Variants in TSPOAP1 observed in about 807,000 individuals in gnomAD.
TSPOAP1 encodes the protein TSPO associated protein 1, also known as peripheral-type benzodiazepine receptor-associated protein 1.
In TSPOAP1, 87 loss-of-function variants were observed where a neutral mutation model predicts 197.0. The ratio of observed to expected loss-of-function variants is 0.44; its 90% CI spans 0.37 to 0.53. The LOEUF (loss-of-function observed/expected upper bound fraction) is 0.53. Ranked by LOEUF, TSPOAP1 falls within the 20% of genes least tolerant of loss-of-function variation. The probability of loss-of-function intolerance (pLI) is 0.00; values close to 1 mark genes in which losing one functional copy is unlikely to be tolerated. For missense variants in TSPOAP1, 2,174 were observed against 2,411.3 expected (o/e 0.90, Z 2.06); for synonymous variants, 913 against 998.9 (o/e 0.91, Z 1.62).
intron 26 of TSPOAP1, 46 bp downstream of exon 26, chr17:58,306,296 C>T (rs1273162173): frequency 6.6e-7 from 1 of 1,518,170 alleles, no homozygotes. Flanking sequence ...CACCCCACCG[C>T]ACACACATCC....
In TSPOAP1 at chr17:58,308,743, C is replaced by T; in HGVS notation, c.4529G>A (p.Gly1510Asp). 6.2e-7 allele frequency: 1 copy of T among 1,613,060 alleles called. No individual in the cohort carries two copies. The highest frequency in any genetic ancestry group is 1.1e-5 in the South Asian group (1 of 91,090). The change falls in exon 22 of 32, where the codon GGC becomes GAC. Residue 1510 changes from glycine (G) to aspartate (D), a missense_variant. Physicochemically the swap from Gly to Asp is moderately conservative, Grantham distance 94. This residue lies in a region of TSPOAP1 where 1,933 missense variants were observed against 2,139.0 expected (regional missense o/e 0.90). Coordinates refer to ENST00000343736, the MANE Select transcript of TSPOAP1 (RefSeq NM_004758.4). ...EYDSEDEQEA[G>D]SGGISITSSC... is the part of the protein sequence containing the mutation. ...GCTGGTGATGCTGATGCCCCCGCTGCCCGCCTCCTGCTCATCCTCCGAATC... is the reference window on the plus strand; with the variant it reads ...GCTGGTGATGCTGATGCCCCCGCTGTCCGCCTCCTGCTCATCCTCCGAATC...
Position 58,322,929 on chromosome 17 carries a change from G to T in TSPOAP1, c.1194+21C>A, listed in dbSNP as rs187752847. 1.8e-4 allele frequency: 297 copies of T among 1,606,132 alleles called. 7 individuals are homozygous for T. The highest frequency in any genetic ancestry group is 1.8e-3 in the South Asian group (158 of 90,016). On this transcript the variant is annotated intron_variant, in intron 8 of 31. Transcript: ENST00000343736. This position sits in a 1 kb window ranked among gnomAD's most constrained non-coding sequence, Gnocchi z 5.0. ...AGTGGTGGGAGCACAGGTCTCCACA[G>T]CACCTGGGCGGAAGTGGTACCTGCT...
At position 58,304,253 on chromosome 17, in the gene TSPOAP1, C is replaced by CT; in HGVS notation, c.*32+84dup. ...GACTACAGTGGGAAAGCTGGGTCAG[C>CT]TCCAGTATTTGAGACAAAGGAGCAC... On this transcript the variant is annotated intron_variant, in intron 31 of 31. Coordinates refer to ENST00000343736, the MANE Select transcript of TSPOAP1 (RefSeq NM_004758.4). The surrounding 1 kb of genome is among the most constrained non-coding windows in gnomAD (Gnocchi z 4.2). The CT allele has an allele frequency of 8.2e-7, 1 of 1,222,308 alleles. No individual in the cohort carries two copies. The highest frequency in any genetic ancestry group is 1.2e-6 in the Non-Finnish European group (1 of 842,880). 75.7% of individuals were successfully genotyped at this position (1,222,308 alleles called of 1,614,324 possible). A position where few individuals can be genotyped will look rare whatever the true frequency, so the allele number is the denominator to read the frequency against.
At chr17:58,308,402 G>T in intron 22 of TSPOAP1, 139 bp downstream of exon 22, 1 of 1,270,140 alleles carries the variant, frequency 7.9e-7, no homozygotes, top group African/African-American at 1.5e-5. Flanking sequence ...GGAGGAGGCA[G>T]GTGAGGGAGC....
Position 58,310,725 on chromosome 17 carries a change from G to C in TSPOAP1, c.3486C>G (p.Gly1162=), listed in dbSNP as rs2143032792. ...TGCTGGCTGTCCTCTCCTCTGAGGT[G>C]CCCAGCACTGCTGCCCCAGCCTCCT... ...SQEEAGAAVL[G]TSEERTASTS... Residue 1162 remains glycine, a synonymous_variant, in exon 20 of 32, where the codon GGC becomes GGG. Coordinates refer to ENST00000343736, the MANE Select transcript of TSPOAP1 (RefSeq NM_004758.4). 1 of 1,612,796 alleles carries C rather than the reference G, an allele frequency of 6.2e-7. No individual in the cohort carries two copies. Among genetic ancestry groups the C allele is most frequent in the East Asian group, 2.2e-5 (1 of 44,868 alleles).
Position 58,328,192 on chromosome 17 carries a change from G to T in TSPOAP1, c.-272C>A. The T allele has an allele frequency of 2.0e-6, 1 of 508,094 alleles. No individual in the cohort carries two copies. The allele number at this position is 508,094 out of a possible 1,614,324, so 31.5% of individuals were successfully genotyped here. On this transcript the variant is annotated 5_prime_UTR_variant, in exon 1 of 32. Coordinates refer to ENST00000343736, the MANE Select transcript of TSPOAP1 (RefSeq NM_004758.4). This position sits in a 1 kb window ranked among gnomAD's most constrained non-coding sequence, Gnocchi z 4.3. The stretch of plus-strand genomic sequence containing the variant: ...GTGGAGGAGCGAGGGTGTCCCTGTG[G>T]GGGTAGGGAGGATGTGCAGAGGCCA...
At chr17:58,325,757 G>T in intron 3 of TSPOAP1, 44 bp from the exon 4 acceptor site, 1 of 1,548,256 alleles carries the variant, frequency 6.5e-7, no homozygotes, top group Non-Finnish European at 8.7e-7. Context: ...TGAGGGCTGG[G>T]GCACTTCTCC....
chr17:58,311,113 G>A lies in TSPOAP1; in HGVS notation c.3182C>T (p.Ser1061Leu), dbSNP rs1276519480. 4.4e-6 allele frequency: 7 copies of A among 1,600,286 alleles called. No homozygotes were observed. The highest frequency in any genetic ancestry group is 1.1e-5 in the South Asian group (1 of 89,202). The change falls in exon 19 of 32, where the codon TCG becomes TTG. Residue 1061 changes from serine to leucine, a missense_variant. By Grantham distance (145) the Ser-to-Leu change is moderately radical. Coordinates refer to ENST00000343736, the MANE Select transcript of TSPOAP1 (RefSeq NM_004758.4). ...VCREVVVRTM[S>L]PHGESADSIP... Reference sequence around the variant, plus strand: ...GGAGTCCGCCGACTCCCCGTGGGGCGACATGGTGCGCACGACCACCTCACG... The same window carrying A: ...GGAGTCCGCCGACTCCCCGTGGGGCAACATGGTGCGCACGACCACCTCACG...
Position 58,305,405 on chromosome 17 carries a change from G to A in TSPOAP1, c.5415C>T (p.Asp1805=), listed in dbSNP as rs777498991. 52 of 1,613,830 alleles carry A rather than the reference G, an allele frequency of 3.2e-5. No homozygotes were observed. Among genetic ancestry groups the A allele is most frequent in the Admixed American group, 5.0e-5 (3 of 59,988 alleles). The change falls in exon 29 of 32, where the codon GAC becomes GAT. Residue 1805 remains aspartate (D), a synonymous_variant. Coordinates refer to ENST00000343736, the MANE Select transcript of TSPOAP1 (RefSeq NM_004758.4). ...GDVITVFGGM[D]DDGFYYGELN... ...TTCTCACATAGTAGAAACCGTCATC[G>A]TCCATGCCCCCAAACACAGTAATGA...
Position 58,305,083 on chromosome 17 carries a change from C to T in TSPOAP1, c.5522G>A (p.Arg1841Lys). The part of the protein sequence containing the change: ...PEAGGLDREP[R>K]TPQAESQRTR... ...GACCTGACTCTCAGCCTGGGGTGTC[C>T]TGGGTTCCCTGTCCAGGCCGCCTGC... Residue 1841 changes from arginine (R) to lysine (K), a missense_variant, in exon 30 of 32, where the codon AGG becomes AAG. Physicochemically the swap from Arg to Lys is conservative, Grantham distance 26. Around this residue, in one of 5 missense-constraint regions of TSPOAP1, gnomAD observed 60 missense variants for 56.2 expected, o/e 1.07. Coordinates refer to ENST00000343736, the MANE Select transcript of TSPOAP1 (RefSeq NM_004758.4). 6.2e-7 allele frequency: 1 copy of T among 1,613,930 alleles called. No individual in the cohort carries two copies.
At position 58,328,663 on chromosome 17, in the gene TSPOAP1, G is replaced by A. The variant is rs1022017394; in HGVS notation, c.-743C>T. 6.5e-6 allele frequency: 1 copy of A among 153,970 alleles called. No individual in the cohort carries two copies. The highest frequency in any genetic ancestry group is 1.4e-5 in the Non-Finnish European group (1 of 69,392). 9.5% of individuals were successfully genotyped at this position (153,970 alleles called of 1,614,324 possible). A position where few individuals can be genotyped will look rare whatever the true frequency, so the allele number is the denominator to read the frequency against. On this transcript the variant is annotated 5_prime_UTR_variant, in exon 1 of 32. Coordinates refer to ENST00000343736, the MANE Select transcript of TSPOAP1 (RefSeq NM_004758.4). This position sits in a 1 kb window ranked among gnomAD's most constrained non-coding sequence, Gnocchi z 4.3. ...GCTGGGTGGCTGGGCTGGTCCTAAG[G>A]AGGCCTGGGTCGATGGGCTGCTTGC...
Position 58,310,836 on chromosome 17 carries a change from C to A in TSPOAP1, c.3459G>T (p.Gln1153His). Residue 1153 changes from glutamine to histidine, a missense_variant and splice_region_variant, in exon 19 of 32, where the codon CAG (glutamine) becomes CAT (histidine). Physicochemically the swap from Gln to His is conservative, Grantham distance 24 (BLOSUM62 0). Around this residue, in one of 5 missense-constraint regions of TSPOAP1, gnomAD observed 1,933 missense variants for 2,139.0 expected, o/e 0.90. Coordinates refer to ENST00000343736, the MANE Select transcript of TSPOAP1 (RefSeq NM_004758.4). Reference sequence around the variant, plus strand: ...GCTCCCCTCTCCCCAGACAGGGTACCTGGGAGCAAGGTGCTGGAGGGTCCT... The same window carrying A: ...GCTCCCCTCTCCCCAGACAGGGTACATGGGAGCAAGGTGCTGGAGGGTCCT... Reference protein sequence around the residue: ...SHEDPPAPCSQEEAGAAVLGT... With the variant: ...SHEDPPAPCSHEEAGAAVLGT... The A allele has an allele frequency of 3.2e-6, 5 of 1,561,346 alleles. No homozygotes were observed. The highest frequency in any genetic ancestry group is 2.6e-6 in the Non-Finnish European group (3 of 1,152,172).
chr17:58,325,385 C>G, intron 4 of TSPOAP1, 149 bp downstream of exon 4: 3 of 988,504 alleles, frequency 3.0e-6, no homozygotes, highest in South Asian at 1.6e-5. Flanking sequence ...TCCCCTCTCC[C>G]ACCTGGGCCG....
Position 58,304,246 on chromosome 17 carries a change from G to T in TSPOAP1, c.*32+92C>A. 8.8e-7 allele frequency: 1 copy of T among 1,135,864 alleles called. No individual in the cohort carries two copies. The highest frequency in any genetic ancestry group is 1.3e-6 in the Non-Finnish European group (1 of 769,722). The allele number at this position is 1,135,864 out of a possible 1,614,324, so 70.4% of individuals were successfully genotyped here. A position where few individuals can be genotyped will look rare whatever the true frequency, so the allele number is the denominator to read the frequency against. ...TTCCCTGGACTACAGTGGGAAAGCT[G>T]GGTCAGCTCCAGTATTTGAGACAAA... On this transcript the variant is annotated intron_variant, in intron 31 of 31. Coordinates refer to ENST00000343736, the MANE Select transcript of TSPOAP1 (RefSeq NM_004758.4). The surrounding 1 kb of genome is among the most constrained non-coding windows in gnomAD (Gnocchi z 4.2).
chr17:58,304,856 T>A lies in TSPOAP1; in HGVS notation c.5544+205A>T, dbSNP rs1342382328. ...CTGAGGGTCAGGGTCACAGCTATCA[T>A]CCCTCTGCAGAGAGGGGCACATACT... is the stretch of plus-strand genomic sequence containing the variant. On this transcript the variant is annotated intron_variant, in intron 30 of 31. Coordinates refer to ENST00000343736, the MANE Select transcript of TSPOAP1 (RefSeq NM_004758.4). The surrounding 1 kb of genome is among the most constrained non-coding windows in gnomAD (Gnocchi z 4.2). 1.5e-6 allele frequency: 1 copy of A among 680,210 alleles called. No individual in the cohort carries two copies. Among genetic ancestry groups the A allele is most frequent in the African/African-American group, 1.8e-5 (1 of 56,820 alleles). The allele number at this position is 680,210 out of a possible 1,614,324, so 42.1% of individuals were successfully genotyped here. A position where few individuals can be genotyped will look rare whatever the true frequency, so the allele number is the denominator to read the frequency against.
chr17:58,325,038 GGCCTAATCCTT>G (rs1308167760), intron 4 of TSPOAP1, 36 bp from the exon 5 acceptor site: 6 of 1,478,594 alleles, frequency 4.1e-6, no homozygotes, highest in African/African-American at 1.4e-5. Context: ...AGGGGACTCA[GGCCTAATCCTT>G]GCCCGCCCCA....
Position 58,310,602 on chromosome 17 carries a change from G to T in TSPOAP1, c.3609C>A (p.Ser1203Arg), listed in dbSNP as rs1386371143. 4 of 1,613,322 alleles carry T rather than the reference G, an allele frequency of 2.5e-6. No homozygotes were observed. Among genetic ancestry groups the T allele is most frequent in the Non-Finnish European group, 3.4e-6 (4 of 1,180,042 alleles). The change falls in exon 20 of 32, where the codon AGC becomes AGA. Residue 1203 changes from serine (S) to arginine (R), a missense_variant. Around this residue, in one of 5 missense-constraint regions of TSPOAP1, gnomAD observed 1,933 missense variants for 2,139.0 expected, o/e 0.90. Transcript: ENST00000343736. ...GCTGGGCCCGTGCTCCCTGGGTGGA[G>T]CTGGAGGCCGGACAGGCCTCTCCTG... ...WTAGEACPAS[S>R]STQGARAQQA... is the part of the protein sequence containing the mutation.
chr17:58,320,336 G>T (rs1036032832), intron 11 of TSPOAP1, among the ~76,000 whole-genome samples, 195 bp downstream of exon 11: 4 of 152,154 alleles, frequency 2.6e-5, no homozygotes, highest in African/African-American at 9.7e-5. Context: ...CACCAGACTT[G>T]GGAGCCCCCT....
chr17:58,323,932 C>G (rs539932374), intron 5 of TSPOAP1, among the ~76,000 whole-genome samples: 1 of 152,176 alleles, frequency 6.6e-6, no homozygotes, highest in Non-Finnish European at 1.5e-5. Context: ...CCTGGGCCCC[C>G]GGGGATGTGG....
Sources: gnomAD v4.1 joint callset for allele counts (sites outside exome capture counted in the v4.1 genomes callset) on GRCh38, gnomAD v4.1.1 for gene constraint, gnomAD v4.1.1 regional missense constraint, Gnocchi (gnomAD v3.1) non-coding constraint, MANE v1.5 for transcripts, NCBI Gene and HGNC (gene_info 2026-07-23, HGNC 2026-07-21) for gene names.